The following SPACA1 variants were observed in gnomAD, a reference collection of about 807,000 sequenced individuals.
SPACA1 encodes the protein sperm acrosome associated 1.
SPACA1 carries 17 observed loss-of-function variants against 32.6 expected under a neutral mutation model. That is an observed-to-expected ratio of 0.52 (90% confidence interval 0.36 to 0.78). The LOEUF (loss-of-function observed/expected upper bound fraction) is 0.78, where lower values mean the gene tolerates loss of function less well. Among genes scored for constraint, SPACA1 ranks in the 30% least tolerant of loss-of-function variants. The pLI is 0.01. For synonymous variants in SPACA1, 140 were observed against 138.1 expected, an observed-to-expected ratio of 1.01 and a Z score of -0.10; for missense variants, 363 against 373.4, an observed-to-expected ratio of 0.97 and a Z score of 0.23.
At chr6:88,058,912 T>A in intron 4 of SPACA1, 90 bp downstream of exon 4, 2 of 829,626 alleles carry the variant, frequency 2.4e-6, no homozygotes, top group Non-Finnish European at 3.7e-6. Flanking sequence ...ACTTTCTTTT[T>A]AAAAGCAGTT....
At chr6:88,051,902 T>C (rs1023191456) in intron 1 of SPACA1, among the ~76,000 whole-genome samples, 4 of 152,246 alleles carry the variant, frequency 2.6e-5, no homozygotes, top group African/African-American at 9.6e-5. Context: ...AATAAAAATG[T>C]TGAACAGGAC....
At chr6:88,056,146 GA>G (rs2127799701) in intron 2 of SPACA1, among the ~76,000 whole-genome samples, 1 of 152,264 alleles carries the variant, frequency 6.6e-6, no homozygotes, top group African/African-American at 2.4e-5. Context: ...ACCAGGTCAG[GA>G]GTTCGAGACC....
At position 88,049,619 on chromosome 6, in the gene SPACA1, A is replaced by AT. The variant is rs377676930; in HGVS notation, c.208+1515dup. Among the ~76,000 whole-genome samples the AT allele has an allele frequency of 4.6e-5, 7 of 151,770 alleles. No homozygotes were observed. The East Asian group carries it at 1.2e-3, about 25-fold the overall frequency. Reference sequence around the variant, plus strand: ...CCATTTACTATCCAGTGGACCTTTAATTTTTTTTTAGTCATTTAAAAATAA... The same window carrying AT: ...CCATTTACTATCCAGTGGACCTTTAATTTTTTTTTTAGTCATTTAAAAATAA... On this transcript the variant is annotated intron_variant, in intron 1 of 6. Transcript: ENST00000237201.
At chr6:88,061,432 GCACA>G (rs71554769) in intron 5 of SPACA1, among the ~76,000 whole-genome samples, 94,685 of 149,986 alleles carry the variant, frequency 0.63, 30,198 homozygotes, top group East Asian at 0.77. Flanking sequence ...ATGCTTGTGC[GCACA>G]CACACACACA....
intron 2 of SPACA1, 53 bp from the exon 3 acceptor site, chr6:88,057,559 C>A: frequency 1.6e-6 from 2 of 1,260,642 alleles, no homozygotes; most frequent in Non-Finnish European, 2.3e-6. Context: ...AGTGAAGACA[C>A]TCTGGAATCA....
intron 2 of SPACA1, among the ~76,000 whole-genome samples, chr6:88,055,378 AGCAGACACATAATATGTAAAACAT>A (rs1775791241): frequency 6.6e-6 from 1 of 152,248 alleles, no homozygotes; most frequent in Non-Finnish European, 1.5e-5. Context: ...GTTTAGTAAG[AGCAGACACATAATATGTAAAACAT>A]GTAATGTATC....
At chr6:88,063,804 C>T (rs571764919) in intron 5 of SPACA1, among the ~76,000 whole-genome samples, 1 of 151,904 alleles carries the variant, frequency 6.6e-6, no homozygotes, top group Non-Finnish European at 1.5e-5. Flanking sequence ...TATTGAAATG[C>T]ATAAAAATAA....
chr6:88,052,475 G>A lies in SPACA1; in HGVS notation c.209-1471G>A, dbSNP rs144342133. Among the ~76,000 whole-genome samples, 1,125 of 152,130 alleles carry A rather than the reference G, an allele frequency of 7.4e-3. 35 individuals are homozygous for A. The highest frequency in any genetic ancestry group is 0.068 in the South Asian group (326 of 4,814). Reference sequence around the variant, plus strand: ...ATGATAGTCTAAATCATTTATTTTCGTTAAAGAAATGACTTAAAGTCAATA... The same window carrying A: ...ATGATAGTCTAAATCATTTATTTTCATTAAAGAAATGACTTAAAGTCAATA... On this transcript the variant is annotated intron_variant, in intron 1 of 6. Transcript: ENST00000237201.
At chr6:88,065,321 T>C (rs1384028930) in intron 6 of SPACA1, among the ~76,000 whole-genome samples, 1 of 148,206 alleles carries the variant, frequency 6.7e-6, no homozygotes, top group Non-Finnish European at 1.5e-5. Context: ...ATATATTATA[T>C]TTACATGGAT....
At chr6:88,056,141 G>A (rs546822969) in intron 2 of SPACA1, among the ~76,000 whole-genome samples, 24 of 152,254 alleles carry the variant, frequency 1.6e-4, no homozygotes, top group Admixed American at 4.6e-4. Flanking sequence ...GGATCACCAG[G>A]TCAGGAGTTC....
intron 1 of SPACA1, among the ~76,000 whole-genome samples, chr6:88,050,325 T>C (rs956955198): frequency 3.3e-5 from 5 of 152,192 alleles, no homozygotes; most frequent in East Asian, 3.8e-4. Context: ...TAATGTTTAC[T>C]CATCAATTCT....
Position 88,047,979 on chromosome 6 carries a change from A to T in SPACA1, c.74A>T (p.Gln25Leu). 6.4e-7 allele frequency: 1 copy of T among 1,566,618 alleles called. No homozygotes were observed. The highest frequency in any genetic ancestry group is 1.2e-5 in the South Asian group (1 of 85,064). The change falls in exon 1 of 7, where the codon CAG (glutamine) becomes CTG (leucine). Residue 25 changes from glutamine (Q) to leucine (L), a missense_variant. Coordinates refer to ENST00000237201, the MANE Select transcript of SPACA1 (RefSeq NM_030960.3). Reference sequence around the variant, plus strand: ...GGCTGGCTGCTTCTGGCGGGCCTCCAGTCCGCGCGCGGGACCAACGTCACC... The same window carrying T: ...GGCTGGCTGCTTCTGGCGGGCCTCCTGTCCGCGCGCGGGACCAACGTCACC... ...TVGWLLLAGL[Q>L]SARGTNVTAA... is the part of the protein sequence containing the mutation.
Position 88,057,619 on chromosome 6 carries a change from T to C in SPACA1, c.273T>C (p.Gly91=). 6.2e-7 allele frequency: 1 copy of C among 1,612,634 alleles called. No homozygotes were observed. The highest frequency in any genetic ancestry group is 8.5e-7 in the Non-Finnish European group (1 of 1,178,646). Residue 91 remains glycine (G), a synonymous_variant, in exon 3 of 7, where the codon GGT becomes GGC. Coordinates refer to ENST00000237201, the MANE Select transcript of SPACA1 (RefSeq NM_030960.3). ...FGMCTVTCGI[G]VREVILTNGC... ...TTAAATTTTAAACCAAAGGTATTGG[T>C]GTTAGAGAAGTTATATTAACAAATG...
intron 2 of SPACA1, among the ~76,000 whole-genome samples, chr6:88,055,681 C>T (rs927880637): frequency 2.6e-5 from 4 of 152,212 alleles, no homozygotes; most frequent in Admixed American, 2.6e-4. Context: ...CATAAAATAA[C>T]TGCTTTAAGC....
At chr6:88,060,235 A>T (rs6909106) in intron 5 of SPACA1, among the ~76,000 whole-genome samples, 29,855 of 152,150 alleles carry the variant, frequency 0.2, 3,274 homozygotes, top group Middle Eastern at 0.3. Flanking sequence ...TGGCTTACAT[A>T]TCCAGGTAAT....
chr6:88,057,828 G>A (rs905603725), intron 3 of SPACA1, 115 bp downstream of exon 3: 6 of 718,400 alleles, frequency 8.4e-6, no homozygotes, highest in Admixed American at 5.1e-5. Flanking sequence ...CATACTCAAA[G>A]GAAATCATAA....
chr6:88,055,947 C>T (rs901550534), intron 2 of SPACA1, among the ~76,000 whole-genome samples: 9 of 151,312 alleles, frequency 5.9e-5, no homozygotes, highest in African/African-American at 1.9e-4. Context: ...TCCAGCCTGG[C>T]GACAAAGCGA....
chr6:88,054,386 T>C (rs1179492853), intron 2 of SPACA1, among the ~76,000 whole-genome samples: 1 of 152,196 alleles, frequency 6.6e-6, no homozygotes, highest in Non-Finnish European at 1.5e-5. Flanking sequence ...TAATAGTCCA[T>C]TCTAAATTCT....
intron 1 of SPACA1, among the ~76,000 whole-genome samples, chr6:88,048,937 C>G (rs539176927): frequency 1.3e-5 from 2 of 152,292 alleles, no homozygotes; most frequent in Admixed American, 6.5e-5. Flanking sequence ...AATGACCCAG[C>G]TGCAATTCTT....
Sources: gnomAD v4.1 joint callset for allele counts (sites outside exome capture counted in the v4.1 genomes callset) on GRCh38, gnomAD v4.1.1 for gene constraint, MANE v1.5 for transcripts, NCBI Gene and HGNC (gene_info 2026-07-23, HGNC 2026-07-21) for gene names.